The following SULF1 variants were observed in gnomAD, a reference collection of about 807,000 sequenced individuals.
The protein encoded by SULF1 is sulfatase 1, also known as extracellular sulfatase Sulf-1.
SULF1 carries 46 observed loss-of-function variants against 110.5 expected under a neutral mutation model. The observed-to-expected ratio is 0.42, with a 90% CI of 0.33 to 0.53. The LOEUF is 0.53. SULF1 is among the 20% of genes least tolerant of loss of function. The pLI, the probability that SULF1 is intolerant of heterozygous loss-of-function variation, is 0.12. For missense variants in SULF1, 941 were observed against 1,094.2 expected (o/e 0.86, Z 1.98); for synonymous variants, 371 against 387.1 (o/e 0.96, Z 0.49).
chr8:69,648,140 A>G (rs1812072148), intron 22 of SULF1, among the ~76,000 whole-genome samples: 1 of 115,676 alleles, frequency 8.6e-6, no homozygotes, highest in East Asian at 2.2e-4. Context: ...GTGCCTTCAG[A>G]AAAAAAAAAA....
At chr8:69,654,923 G>A (rs1340103125) in intron 22 of SULF1, among the ~76,000 whole-genome samples, 1 of 152,170 alleles carries the variant, frequency 6.6e-6, no homozygotes, top group African/African-American at 2.4e-5. Context: ...CTCACTTTTG[G>A]ACATTATGGG....
intron 22 of SULF1, among the ~76,000 whole-genome samples, chr8:69,651,367 T>C (rs2130733909): frequency 6.6e-6 from 1 of 152,290 alleles, no homozygotes; most frequent in East Asian, 1.9e-4. Flanking sequence ...CATCTATTGT[T>C]GTACCTACAG....
At chr8:69,597,549 A>G (rs1348795102) in intron 8 of SULF1, 1 of 152,224 alleles carries the variant, frequency 6.6e-6, no homozygotes, top group Non-Finnish European at 1.5e-5. Flanking sequence ...AACGTATGTC[A>G]TTCTGTAAAT....
At chr8:69,537,964 CTT>C (rs746746718) in intron 3 of SULF1, among the ~76,000 whole-genome samples, 29 of 141,872 alleles carry the variant, frequency 2.0e-4, no homozygotes, top group Non-Finnish European at 2.0e-4. Context: ...ATTTCAAATC[CTT>C]TTTTTTTTTT....
At chr8:69,619,110 A>G (rs1022940719) in intron 13 of SULF1, among the ~76,000 whole-genome samples, 19 of 152,302 alleles carry the variant, frequency 1.2e-4, no homozygotes, top group African/African-American at 4.6e-4. Flanking sequence ...ACGTGGCACA[A>G]AAAACCATAA....
At chr8:69,651,179 A>C (rs1812318456) in intron 22 of SULF1, among the ~76,000 whole-genome samples, 1 of 149,558 alleles carries the variant, frequency 6.7e-6, no homozygotes, top group Non-Finnish European at 1.5e-5. Context: ...TCCCCTCCCG[A>C]GTAGCTGGGA....
At chr8:69,589,723 G>A (rs1005429614) in intron 8 of SULF1, among the ~76,000 whole-genome samples, 1 of 152,104 alleles carries the variant, frequency 6.6e-6, no homozygotes, top group Non-Finnish European at 1.5e-5. Flanking sequence ...GAAGGCACAA[G>A]GGAGAGGGCT....
intron 1 of SULF1, among the ~76,000 whole-genome samples, chr8:69,493,855 G>GAGT (rs1475422685): frequency 6.6e-6 from 1 of 152,234 alleles, no homozygotes; most frequent in Non-Finnish European, 1.5e-5. Context: ...TGAATTAACA[G>GAGT]AGTACTCTTC....
chr8:69,653,692 C>A (rs1016014316), intron 22 of SULF1, among the ~76,000 whole-genome samples: 10 of 152,194 alleles, frequency 6.6e-5, no homozygotes, highest in Admixed American at 5.2e-4. Context: ...CCACAGAGGT[C>A]TGAGAGTCCC....
chr8:69,537,113 C>T (rs1193871154), intron 3 of SULF1, among the ~76,000 whole-genome samples: 9 of 152,172 alleles, frequency 5.9e-5, no homozygotes. Context: ...TCATTAGCAC[C>T]TCTGACTCAC....
intron 7 of SULF1, among the ~76,000 whole-genome samples, chr8:69,588,289 G>A (rs1806615961): frequency 6.6e-6 from 1 of 152,126 alleles, no homozygotes; most frequent in South Asian, 2.1e-4. Context: ...TATTGCTTTA[G>A]TTGTGCAATT....
At chr8:69,623,785 C>G (rs1280941872) in intron 14 of SULF1, among the ~76,000 whole-genome samples, 157 bp from the exon 15 acceptor site, 2 of 152,114 alleles carry the variant, frequency 1.3e-5, no homozygotes, top group East Asian at 3.9e-4. Context: ...CCAGGACAAC[C>G]TCTGCTACCG....
At chr8:69,577,641 T>C (rs543805381) in intron 6 of SULF1, among the ~76,000 whole-genome samples, 1 of 152,208 alleles carries the variant, frequency 6.6e-6, no homozygotes, top group East Asian at 1.9e-4. Context: ...CTTAGAGCAG[T>C]CAACTAGGGT....
intron 13 of SULF1, among the ~76,000 whole-genome samples, chr8:69,614,421 T>C (rs1478524285): frequency 2.6e-5 from 4 of 152,354 alleles, no homozygotes; most frequent in East Asian, 3.9e-4. Context: ...GAGGATTAAA[T>C]GAAAAATTCA....
intron 5 of SULF1, among the ~76,000 whole-genome samples, chr8:69,565,894 C>T (rs1400384061): frequency 1.3e-5 from 2 of 152,140 alleles, no homozygotes; most frequent in African/African-American, 4.8e-5. Flanking sequence ...ACCCCCCTCG[C>T]CTCTATCCAT....
chr8:69,580,595 T>C lies in SULF1; in HGVS notation c.412+4386T>C, dbSNP rs191515814. Among the ~76,000 whole-genome samples, 426 of 152,314 alleles carry C rather than the reference T, an allele frequency of 2.8e-3. 1 individual carries two copies. The highest frequency in any genetic ancestry group is 1.0e-2 in the African/African-American group (414 of 41,578). Reference sequence around the variant, plus strand: ...CCAAAGTTACAGTGTGTTATAACTTTATTATACTCATGGTAATTATAATAT... The same window carrying C: ...CCAAAGTTACAGTGTGTTATAACTTCATTATACTCATGGTAATTATAATAT... On this transcript the variant is annotated intron_variant, in intron 6 of 22. Coordinates refer to ENST00000402687, the MANE Select transcript of SULF1 (RefSeq NM_001128205.2).
At chr8:69,476,021 A>G (rs189023756) in intron 1 of SULF1, among the ~76,000 whole-genome samples, 6 of 152,332 alleles carry the variant, frequency 3.9e-5, no homozygotes, top group South Asian at 2.1e-4. Flanking sequence ...ACACCTATAT[A>G]ATTCTCTTCT....
intron 3 of SULF1, among the ~76,000 whole-genome samples, chr8:69,514,977 G>C (rs1208939349): frequency 1.3e-5 from 2 of 151,930 alleles, no homozygotes; most frequent in African/African-American, 2.4e-5. Context: ...CTCCTGGGCT[G>C]CTTTCACAGG....
intron 17 of SULF1, 34 bp from the exon 18 acceptor site, chr8:69,628,137 A>G: frequency 1.3e-6 from 2 of 1,549,566 alleles, no homozygotes; most frequent in Non-Finnish European, 8.9e-7. Context: ...ATGCAAGGCT[A>G]TGAAGTCTCA....
Sources: allele counts gnomAD v4.1 joint callset (sites outside exome capture counted in the v4.1 genomes callset), GRCh38; gene constraint gnomAD v4.1.1; transcripts MANE v1.5; gene names NCBI Gene and HGNC (gene_info 2026-07-23, HGNC 2026-07-21).